Variants in ARAP2 observed in about 807,000 individuals in gnomAD.
The protein encoded by ARAP2 is ArfGAP with RhoGAP domain, ankyrin repeat and PH domain 2, also known as arf-GAP with Rho-GAP domain, ANK repeat and PH domain-containing protein 2.
A neutral mutation model predicts 194.5 loss-of-function variants in ARAP2; 148 were observed. The ratio of observed to expected loss-of-function variants is 0.76; its 90% CI spans 0.67 to 0.87. The LOEUF is 0.87. ARAP2 is among the 40% of genes least tolerant of loss of function. The pLI is 0.00. For synonymous variants in ARAP2, 695 were observed against 683.5 expected, an observed-to-expected ratio of 1.02 and a Z score of -0.26; for missense variants, 2,128 against 1,989.7, an observed-to-expected ratio of 1.07 and a Z score of -1.32.
chr4:36,030,311 T>G (rs944653127), intron 5 of ARAP2, among the ~76,000 whole-genome samples: 1 of 152,120 alleles, frequency 6.6e-6, no homozygotes, highest in Non-Finnish European at 1.5e-5. Flanking sequence ...AGTGACTTAT[T>G]TTTTGTTTTG....
intron 15 of ARAP2, chr4:36,157,653 A>G (rs983649274): frequency 2.6e-5 from 4 of 152,200 alleles, no homozygotes; most frequent in African/African-American, 9.7e-5. Flanking sequence ...GCAGACTTTC[A>G]TGAGGATTAC....
intron 23 of ARAP2, among the ~76,000 whole-genome samples, chr4:36,120,433 T>C (rs143777262): frequency 1.4e-4 from 21 of 151,732 alleles, no homozygotes; most frequent in African/African-American, 5.1e-4. Flanking sequence ...CCAATTACAC[T>C]AACTGTCTTG....
At chr4:36,086,191 C>A (rs1577813030) in intron 28 of ARAP2, among the ~76,000 whole-genome samples, 1 of 152,110 alleles carries the variant, frequency 6.6e-6, no homozygotes, top group East Asian at 1.9e-4. Flanking sequence ...GGGTTGGCTG[C>A]AACTCTAGCA....
chr4:36,042,860 T>TTTC (rs1721108498), intron 5 of ARAP2, among the ~76,000 whole-genome samples: 1 of 151,758 alleles, frequency 6.6e-6, no homozygotes, highest in African/African-American at 2.4e-5. Context: ...TTTTTTTTTT[T>TTTC]CAAACAGGGT....
At chr4:36,074,768 T>G (rs1390989129) in intron 31 of ARAP2, among the ~76,000 whole-genome samples, 1 of 152,134 alleles carries the variant, frequency 6.6e-6, no homozygotes, top group Admixed American at 6.6e-5. Context: ...GTTCTTAGGT[T>G]GCAGCTCTTA....
In ARAP2 at chr4:36,141,168, C is replaced by T. The variant is rs559343416; in HGVS notation, c.3263+6128G>A. On this transcript the variant is annotated intron_variant, in intron 19 of 32. Transcript: ENST00000303965. The stretch of plus-strand genomic sequence containing the variant: ...TCAAAGTGATGATACAATTTCCTAC[C>T]GTCCAGGAAAATGCCTTCTGCCTTC... Among the ~76,000 whole-genome samples the T allele has an allele frequency of 1.0e-3, 153 of 151,664 alleles. 1 individual carries two copies. The highest frequency in any genetic ancestry group is 3.5e-3 in the African/African-American group (147 of 41,470).
chr4:36,172,261 G>T (rs1434533653), intron 9 of ARAP2, among the ~76,000 whole-genome samples: 1 of 152,156 alleles, frequency 6.6e-6, no homozygotes, highest in Admixed American at 6.5e-5. Flanking sequence ...AGGGAGAATC[G>T]AAGCTGACCC....
intron 10 of ARAP2, among the ~76,000 whole-genome samples, chr4:36,165,346 TAC>T (rs1735037364): frequency 1.3e-5 from 2 of 152,202 alleles, no homozygotes; most frequent in Admixed American, 1.3e-4. Context: ...AAAATTAACA[TAC>T]ACATTTTCTA....
intron 15 of ARAP2, among the ~76,000 whole-genome samples, chr4:36,154,875 C>T (rs986344263): frequency 2.0e-5 from 3 of 152,150 alleles, no homozygotes; most frequent in African/African-American, 7.2e-5. Context: ...CTAAAACTTT[C>T]CAAATAATTC....
At chr4:36,078,819 G>A (rs1396906584) in intron 31 of ARAP2, among the ~76,000 whole-genome samples, 1 of 152,096 alleles carries the variant, frequency 6.6e-6, no homozygotes, top group Non-Finnish European at 1.5e-5. Flanking sequence ...AACAGCTTTA[G>A]ACTCTATAGT....
intron 9 of ARAP2, among the ~76,000 whole-genome samples, chr4:36,172,571 G>A (rs1447317361): frequency 6.6e-6 from 1 of 152,046 alleles, no homozygotes; most frequent in East Asian, 1.9e-4. Context: ...TACTGAAACG[G>A]GTTATTCTTA....
At position 36,133,348 on chromosome 4, in the gene ARAP2, A is replaced by G. The variant is rs760742028; in HGVS notation, c.3305T>C (p.Val1102Ala). ...TGCTTTTTCAATTGCAGTATGCCAG[A>G]CTGTGAAATCCAACTTGGTATGCCC... Reference protein sequence around the residue: ...IHGHTKLDFTVWHTAIEKAAG... With the variant: ...IHGHTKLDFTAWHTAIEKAAG... Residue 1102 changes from valine (V) to alanine (A), a missense_variant, in exon 20 of 33, where the codon GTC becomes GCC. Physicochemically the swap from Val to Ala is moderately conservative, Grantham distance 64. Coordinates refer to ENST00000303965, the MANE Select transcript of ARAP2 (RefSeq NM_015230.4). The G allele has an allele frequency of 6.2e-7, 1 of 1,611,158 alleles. No individual in the cohort carries two copies. The highest frequency in any genetic ancestry group is 1.1e-5 in the South Asian group (1 of 90,996).
chr4:36,158,716 A>C lies in ARAP2; in HGVS notation c.2752+14T>G. ...TTTTTATCTGATAATATCTAAAAAG[A>C]AGAGAAAAAATACCTTCAAGCAGTT... is the stretch of plus-strand genomic sequence containing the variant. On this transcript the variant is annotated intron_variant, in intron 15 of 32. Coordinates refer to ENST00000303965, the MANE Select transcript of ARAP2 (RefSeq NM_015230.4). The C allele has an allele frequency of 6.3e-7, 1 of 1,585,314 alleles. No individual in the cohort carries two copies. The highest frequency in any genetic ancestry group is 2.2e-5 in the East Asian group (1 of 44,520).
chr4:36,156,445 GAAAGAAAGAAAGAAAGA>G lies in ARAP2; in HGVS notation c.2752+2268_2752+2284del, dbSNP rs1732531687. 2.6e-4 allele frequency among the ~76,000 whole-genome samples: 3 copies of G among 11,452 alleles called. 1 individual carries two copies. The highest frequency in any genetic ancestry group is 4.9e-4 in the Non-Finnish European group (3 of 6,092). 7.5% of individuals were successfully genotyped at this position (11,452 alleles called of 152,430 possible). ...AAAGAAAGAAAGAAAGAAAGAAAGA[GAAAGAAAGAAAGAAAGA>G]AAGAAATGAAAGAGAAGAAAGAAAG... is the stretch of plus-strand genomic sequence containing the variant. On this transcript the variant is annotated intron_variant, in intron 15 of 32. Transcript: ENST00000303965.
intron 25 of ARAP2, 131 bp from the exon 26 acceptor site, chr4:36,114,418 T>C: frequency 1.6e-6 from 1 of 609,640 alleles, no homozygotes; most frequent in Non-Finnish European, 2.9e-6. Flanking sequence ...AAAACCAGCT[T>C]CCCTAATCCC....
At chr4:36,136,564 C>T (rs74764169) in intron 19 of ARAP2, among the ~76,000 whole-genome samples, 323 of 151,616 alleles carry the variant, frequency 2.1e-3, no homozygotes, top group African/African-American at 7.5e-3. Context: ...TAAACTTGAC[C>T]ACATAAAAAA....
chr4:36,185,834 T>C (rs1412141398), intron 8 of ARAP2, among the ~76,000 whole-genome samples: 1 of 150,872 alleles, frequency 6.6e-6, no homozygotes, highest in Admixed American at 6.6e-5. Context: ...AAAAATTAGC[T>C]GGGCGTGGTG....
chr4:36,036,743 TAA>T lies in ARAP2; in HGVS notation n.607+9234_607+9235del, dbSNP rs371212691. 3.4e-3 allele frequency among the ~76,000 whole-genome samples: 515 copies of T among 152,280 alleles called. 3 individuals carry two copies. The highest frequency in any genetic ancestry group is 0.012 in the African/African-American group (487 of 41,588). ...CCAAGCATCTATTCCACAATATCTC[TAA>T]GTTTCTGTTATATAGCTTTTGCTAG... On this transcript the variant is annotated intron_variant and non_coding_transcript_variant, in intron 5 of 12. Transcript: ENST00000503225.
At chr4:36,221,862 T>C (rs1179981657) in intron 2 of ARAP2, among the ~76,000 whole-genome samples, 1 of 152,174 alleles carries the variant, frequency 6.6e-6, no homozygotes, top group Non-Finnish European at 1.5e-5. Context: ...TGGCTTTCTT[T>C]AGCTACAGCT....
Sources: gnomAD v4.1 joint callset for allele counts (sites outside exome capture counted in the v4.1 genomes callset) on GRCh38, gnomAD v4.1.1 for gene constraint, MANE v1.5 for transcripts, NCBI Gene and HGNC (gene_info 2026-07-23, HGNC 2026-07-21) for gene names.